EEA1: variants seen among roughly 807,000 people sequenced by gnomAD.
EEA1 encodes the protein early endosome antigen 1, 162kD.
EEA1 carries 111 observed loss-of-function variants against 209.2 expected under a neutral mutation model. The observed-to-expected ratio is 0.53, with a 90% CI of 0.45 to 0.62. The LOEUF is 0.62. Ranked by LOEUF, EEA1 falls within the 20% of genes least tolerant of loss-of-function variation. The probability of loss-of-function intolerance (pLI) is 0.00; values close to 1 mark genes in which losing one functional copy is unlikely to be tolerated. For synonymous variants in EEA1, 536 were observed against 540.6 expected, an observed-to-expected ratio of 0.99 and a Z score of 0.12; for missense variants, 1,343 against 1,530.8, an observed-to-expected ratio of 0.88 and a Z score of 2.05.
intron 1 of EEA1, among the ~76,000 whole-genome samples, 181 bp from the exon 2 acceptor site, chr12:92,891,902 T>C (rs759441333): frequency 2.6e-5 from 4 of 152,332 alleles, no homozygotes; most frequent in African/African-American, 4.8e-5. Flanking sequence ...TCTCTATATA[T>C]GCATTTCTCT....
At position 92,805,311 on chromosome 12, in the gene EEA1, AC is replaced by A. The variant is rs142325153; in HGVS notation, c.2340-2578del. ...ATAACCTCCGATTCAAAGCATCAGGACCCAATTTACTAGATATGAAAATGAG... is the reference window on the plus strand; with the variant it reads ...ATAACCTCCGATTCAAAGCATCAGGACCAATTTACTAGATATGAAAATGAG... On this transcript the variant is annotated intron_variant, in intron 18 of 28. Coordinates refer to ENST00000322349, the MANE Select transcript of EEA1 (RefSeq NM_003566.4). Among the ~76,000 whole-genome samples the A allele has an allele frequency of 5.5e-4, 84 of 152,278 alleles. No homozygotes were observed. The East Asian group carries it at 0.016, about 29-fold the overall frequency.
intron 20 of EEA1, among the ~76,000 whole-genome samples, chr12:92,800,551 T>C (rs527787277): frequency 1.3e-5 from 2 of 152,278 alleles, no homozygotes; most frequent in East Asian, 3.9e-4. Context: ...AATAGCAAAA[T>C]ATTTTTATGC....
In EEA1 at chr12:92,771,487, A is replaced by G. The variant is rs2136640740; in HGVS notation, c.*4524T>C. ...AATAATGTCAGAAATTTAATAGAAG[A>G]AAAAAAGGAAAATCTGGAGGACAGT... On this transcript the variant is annotated 3_prime_UTR_variant, in exon 29 of 29. Transcript: ENST00000322349. 6.6e-6 allele frequency: 1 copy of G among 152,144 alleles called. No homozygotes were observed. Among genetic ancestry groups the G allele is most frequent in the East Asian group, 1.9e-4 (1 of 5,190 alleles). The allele number at this position is 152,144 out of a possible 1,614,324, so 9.4% of individuals were successfully genotyped here.
At chr12:92,799,108 T>C (rs915044842) in intron 20 of EEA1, 22 bp from the exon 21 acceptor site, 3 of 1,543,554 alleles carry the variant, frequency 1.9e-6, no homozygotes, top group Middle Eastern at 1.8e-4. Context: ...AAAAAATCTA[T>C]TTAGCCTTCA....
In EEA1 at chr12:92,798,704, T is replaced by C. The variant is rs542240489; in HGVS notation, c.2967+188A>G. Among the ~76,000 whole-genome samples the C allele has an allele frequency of 3.3e-5, 5 of 152,312 alleles. No individual in the cohort carries two copies. The South Asian group carries it at 1.0e-3, about 32-fold the overall frequency. ...TAACAATTATCTGACAAGAGAGTTA[T>C]AGTGAATGGAAATCCAGACTCAGGT... On this transcript the variant is annotated intron_variant, in intron 21 of 28. Coordinates refer to ENST00000322349, the MANE Select transcript of EEA1 (RefSeq NM_003566.4).
chr12:92,845,732 A>G (rs576086893), intron 9 of EEA1, among the ~76,000 whole-genome samples: 4 of 152,230 alleles, frequency 2.6e-5, no homozygotes, highest in African/African-American at 9.6e-5. Context: ...GATTCAGTGT[A>G]CTTGTACAGT....
At position 92,775,948 on chromosome 12, in the gene EEA1, A is replaced by C; in HGVS notation, c.*63T>G. 6.4e-7 allele frequency: 1 copy of C among 1,563,648 alleles called. No homozygotes were observed. Among genetic ancestry groups the C allele is most frequent in the Admixed American group, 1.8e-5 (1 of 56,550 alleles). ...AACCAAATAGTAGTCCAAGACCTCT[A>C]TTAAGTACATTTATTAAAAATCTAA... On this transcript the variant is annotated 3_prime_UTR_variant, in exon 29 of 29. Coordinates refer to ENST00000322349, the MANE Select transcript of EEA1 (RefSeq NM_003566.4).
chr12:92,895,133 A>ATTTTTTTTTT (rs537064468), intron 1 of EEA1, among the ~76,000 whole-genome samples: 1 of 95,088 alleles, frequency 1.1e-5, no homozygotes, highest in Non-Finnish European at 2.0e-5. Context: ...GGATCACTGA[A>ATTTTTTTTTT]TTTTTTTTTT....
At chr12:92,886,631 GA>G (rs1383398214) in intron 2 of EEA1, among the ~76,000 whole-genome samples, 4 of 109,148 alleles carry the variant, frequency 3.7e-5, no homozygotes, top group Non-Finnish European at 7.6e-5. Context: ...GAGAGGAGGG[GA>G]GGGGGAAGGG....
At chr12:92,827,510 T>G (rs1326568046) in intron 12 of EEA1, among the ~76,000 whole-genome samples, 1 of 152,264 alleles carries the variant, frequency 6.6e-6, no homozygotes, top group Non-Finnish European at 1.5e-5. Flanking sequence ...AATATATGCT[T>G]AATTTTTAAA....
intron 17 of EEA1, among the ~76,000 whole-genome samples, chr12:92,809,809 C>A (rs1419514158): frequency 1.3e-5 from 2 of 151,940 alleles, no homozygotes; most frequent in South Asian, 2.1e-4. Flanking sequence ...AATAAGTTAA[C>A]AGGTTCACTG....
intron 1 of EEA1, among the ~76,000 whole-genome samples, chr12:92,906,240 T>C (rs894319195): frequency 6.6e-6 from 1 of 151,906 alleles, no homozygotes; most frequent in African/African-American, 2.4e-5. Context: ...TATAGGCACA[T>C]GCCACCACAC....
intron 21 of EEA1, among the ~76,000 whole-genome samples, chr12:92,791,705 G>C (rs1440399256): frequency 6.6e-6 from 1 of 152,138 alleles, no homozygotes; most frequent in Non-Finnish European, 1.5e-5. Flanking sequence ...GTCAATATTA[G>C]ACAGATCAAC....
At chr12:92,894,977 A>G (rs1166918895) in intron 1 of EEA1, among the ~76,000 whole-genome samples, 1 of 152,186 alleles carries the variant, frequency 6.6e-6, no homozygotes, top group Admixed American at 6.5e-5. Context: ...TTAGGGGTTA[A>G]TGCAGCTGAT....
At chr12:92,921,783 G>A (rs1446420423) in intron 1 of EEA1, among the ~76,000 whole-genome samples, 5 of 125,142 alleles carry the variant, frequency 4.0e-5, no homozygotes, top group Non-Finnish European at 6.5e-5. Context: ...AAAAAGAATC[G>A]CTTGAATCCA....
At chr12:92,851,048 A>G (rs1877605580) in intron 9 of EEA1, 63 bp downstream of exon 9, 6 of 1,459,542 alleles carry the variant, frequency 4.1e-6, no homozygotes, top group Non-Finnish European at 5.5e-6. Context: ...TCCTGGCTTC[A>G]CTCAATAGTA....
intron 11 of EEA1, among the ~76,000 whole-genome samples, chr12:92,830,304 T>G (rs1286965281): frequency 6.6e-6 from 1 of 152,128 alleles, no homozygotes; most frequent in Non-Finnish European, 1.5e-5. Flanking sequence ...AGGCAGTTTT[T>G]CGATCCTCAC....
At chr12:92,925,928 G>A (rs1881195483) in intron 1 of EEA1, among the ~76,000 whole-genome samples, 1 of 151,660 alleles carries the variant, frequency 6.6e-6, no homozygotes, top group African/African-American at 2.4e-5. Context: ...AAACTATTCA[G>A]AAGAAAATAA....
At chr12:92,914,638 G>T (rs1592776125) in intron 1 of EEA1, among the ~76,000 whole-genome samples, 2 of 151,796 alleles carry the variant, frequency 1.3e-5, no homozygotes, top group South Asian at 4.2e-4. Context: ...CATCCCCTGG[G>T]CAACATAACA....
Sources: allele counts gnomAD v4.1 joint callset (sites outside exome capture counted in the v4.1 genomes callset), GRCh38; gene constraint gnomAD v4.1.1; transcripts MANE v1.5; gene names NCBI Gene and HGNC (gene_info 2026-07-23, HGNC 2026-07-21).